ANTXR2: variants seen among roughly 807,000 people sequenced by gnomAD.
ANTXR2 encodes anthrax toxin receptor 2.
ANTXR2 carries 44 observed loss-of-function variants against 73.7 expected under a neutral mutation model. That is an observed-to-expected ratio of 0.60 (90% confidence interval 0.47 to 0.77). ANTXR2 has a LOEUF of 0.77. ANTXR2 is among the 30% of genes least tolerant of loss of function. The pLI is 0.00. For synonymous variants in ANTXR2, 217 were observed against 205.9 expected (o/e 1.05, Z -0.46); for missense variants, 604 against 592.5 (o/e 1.02, Z -0.20).
At chr4:79,907,582 T>A in intron 16 of ANTXR2, 115 bp from the exon 17 acceptor site, 1 of 1,163,710 alleles carries the variant, frequency 8.6e-7, no homozygotes, top group Non-Finnish European at 1.3e-6. Flanking sequence ...AGTACCATGT[T>A]AACTTGAGAC....
At chr4:80,047,406 A>C (rs371828920) in intron 7 of ANTXR2, among the ~76,000 whole-genome samples, 15 of 151,836 alleles carry the variant, frequency 9.9e-5, no homozygotes, top group Middle Eastern at 3.4e-3. Context: ...AATGTATTTG[A>C]ATATAGTGAG....
intron 16 of ANTXR2, among the ~76,000 whole-genome samples, chr4:79,961,655 G>T (rs1369140566): frequency 6.6e-6 from 1 of 152,004 alleles, no homozygotes; most frequent in Non-Finnish European, 1.5e-5. Context: ...GCCCAGGCTG[G>T]TCTCAAACTC....
chr4:79,947,223 C>T (rs1728547949), intron 16 of ANTXR2, among the ~76,000 whole-genome samples: 1 of 152,046 alleles, frequency 6.6e-6, no homozygotes, highest in African/African-American at 2.4e-5. Flanking sequence ...TTCATGTAAA[C>T]AGGAAATAAA....
intron 16 of ANTXR2, among the ~76,000 whole-genome samples, chr4:79,909,024 A>C (rs935784512): frequency 2.0e-5 from 3 of 152,216 alleles, no homozygotes; most frequent in Admixed American, 6.5e-5. Flanking sequence ...AGGCAAAAAA[A>C]GTAGTGCTTC....
rs1010662099 is a variant in ANTXR2 at position 79,905,039 on chromosome 4, T to G, written c.*2390A>C. The G allele has an allele frequency of 6.6e-6, 1 of 152,182 alleles. No homozygotes were observed. Among genetic ancestry groups the G allele is most frequent in the Non-Finnish European group, 1.5e-5 (1 of 68,024 alleles). 9.4% of individuals were successfully genotyped at this position (152,182 alleles called of 1,614,324 possible). On this transcript the variant is annotated 3_prime_UTR_variant, in exon 17 of 17. Coordinates refer to ENST00000403729, the MANE Select transcript of ANTXR2 (RefSeq NM_058172.6). ...CAGTCTTTGAACTTTATTAATGATA[T>G]TTTTTCAGTCTACATATAGACCACT...
chr4:79,997,639 T>C (rs1730792607), intron 12 of ANTXR2, among the ~76,000 whole-genome samples: 1 of 152,024 alleles, frequency 6.6e-6, no homozygotes, highest in Non-Finnish European at 1.5e-5. Context: ...ATCCTCTGCT[T>C]TTTATTTCTT....
At chr4:80,032,111 CTACAA>C (rs1226048927) in intron 9 of ANTXR2, among the ~76,000 whole-genome samples, 1 of 151,594 alleles carries the variant, frequency 6.6e-6, no homozygotes, top group Non-Finnish European at 1.5e-5. Flanking sequence ...AAACATTTGT[CTACAA>C]TAAATAAATG....
At position 79,910,248 on chromosome 4, in the gene ANTXR2, C is replaced by T. The variant is rs553768786; in HGVS notation, c.1429-2781G>A. ...ATTGTTGGCCGGGTGTGGTGGCTCA[C>T]GCCTGTAATCCCAGCACTTTGGGAG... On this transcript the variant is annotated intron_variant, in intron 16 of 16. Coordinates refer to ENST00000403729, the MANE Select transcript of ANTXR2 (RefSeq NM_058172.6). Among the ~76,000 whole-genome samples, 556 of 152,208 alleles carry T rather than the reference C, an allele frequency of 3.7e-3. 2 individuals are homozygous for T. The highest frequency in any genetic ancestry group is 0.013 in the African/African-American group (530 of 41,550).
At position 79,902,197 on chromosome 4, in the gene ANTXR2, T is replaced by A. The variant is rs1346792095; in HGVS notation, c.*5232A>T. 1.3e-5 allele frequency: 2 copies of A among 152,200 alleles called. No individual in the cohort carries two copies. Among genetic ancestry groups the A allele is most frequent in the African/African-American group, 4.8e-5 (2 of 41,450 alleles). The allele number at this position is 152,200 out of a possible 1,614,324, so 9.4% of individuals were successfully genotyped here. A position where few individuals can be genotyped will look rare whatever the true frequency, so the allele number is the denominator to read the frequency against. ...TAAGATACAAATAACTTCATGGCAA[T>A]TAGGAAACCCTATTTAGGTTCCACT... On this transcript the variant is annotated 3_prime_UTR_variant, in exon 17 of 17. Transcript: ENST00000403729.
rs571898381 is a variant in ANTXR2, at chr4:79,911,673, A to T, written c.1429-4206T>A. On this transcript the variant is annotated intron_variant, in intron 16 of 16. Coordinates refer to ENST00000403729, the MANE Select transcript of ANTXR2 (RefSeq NM_058172.6). Reference sequence around the variant, plus strand: ...TGCCTGTATTTCACAAAGTAATTCGATAAACTGGAACTCAGGTGGCATAAG... The same window carrying T: ...TGCCTGTATTTCACAAAGTAATTCGTTAAACTGGAACTCAGGTGGCATAAG... Among the ~76,000 whole-genome samples the T allele has an allele frequency of 2.0e-5, 3 of 152,084 alleles. No homozygotes were observed. The East Asian group carries it at 5.8e-4, about 29-fold the overall frequency.
chr4:79,978,142 T>C lies in ANTXR2; in HGVS notation c.1212A>G (p.Glu404=), dbSNP rs776033580. 2.5e-6 allele frequency: 4 copies of C among 1,613,920 alleles called. No individual in the cohort carries two copies. The South Asian group carries it at 3.3e-5, about 13-fold the overall frequency. The change falls in exon 15 of 17, where the codon GAA becomes GAG. Residue 404 remains glutamate (E), a synonymous_variant. Coordinates refer to ENST00000403729, the MANE Select transcript of ANTXR2 (RefSeq NM_058172.6). ...TTTTGGCTTTCTCTAGCCTTGCACCTTCCTCAGTAGATCCTTTATCACCCC... is the reference window on the plus strand; with the variant it reads ...TTTTGGCTTTCTCTAGCCTTGCACCCTCCTCAGTAGATCCTTTATCACCCC... ...VRWGDKGSTE[E]GARLEKAKNA... is the part of the protein sequence containing the mutation.
chr4:79,949,487 A>G (rs911191049), intron 16 of ANTXR2, among the ~76,000 whole-genome samples: 2 of 152,210 alleles, frequency 1.3e-5, no homozygotes, highest in Non-Finnish European at 2.9e-5. Context: ...CTAATATGGC[A>G]GGTTAAAAAA....
intron 11 of ANTXR2, among the ~76,000 whole-genome samples, chr4:80,015,734 G>C (rs1453620537): frequency 6.8e-6 from 1 of 147,374 alleles, no homozygotes; most frequent in Non-Finnish European, 1.5e-5. Flanking sequence ...CAGGAGGAGG[G>C]AGAGGAATAT....
chr4:80,040,506 A>G (rs1354214484), intron 7 of ANTXR2, among the ~76,000 whole-genome samples: 2 of 152,048 alleles, frequency 1.3e-5, no homozygotes, highest in South Asian at 2.1e-4. Context: ...AAGAGAGAAA[A>G]TTGTAAGGAC....
At chr4:79,947,383 G>A (rs1728554060) in intron 16 of ANTXR2, among the ~76,000 whole-genome samples, 2 of 152,162 alleles carry the variant, frequency 1.3e-5, no homozygotes, top group Admixed American at 1.3e-4. Flanking sequence ...TCACAACAAG[G>A]ATTGGTTTGG....
intron 12 of ANTXR2, among the ~76,000 whole-genome samples, chr4:79,995,829 C>T (rs1276341674): frequency 6.6e-6 from 1 of 151,846 alleles, no homozygotes; most frequent in Non-Finnish European, 1.5e-5. Context: ...GAAAACGAAG[C>T]CCTCAAAGCT....
At chr4:79,974,022 T>C (rs1255183100) in intron 16 of ANTXR2, among the ~76,000 whole-genome samples, 1 of 152,220 alleles carries the variant, frequency 6.6e-6, no homozygotes, top group Non-Finnish European at 1.5e-5. Context: ...TAGATATACA[T>C]TATACCTTAA....
chr4:80,015,336 G>C (rs1286639330), intron 11 of ANTXR2, among the ~76,000 whole-genome samples: 1 of 152,124 alleles, frequency 6.6e-6, no homozygotes, highest in Non-Finnish European at 1.5e-5. Flanking sequence ...ATAACCACCA[G>C]TAAGTCACTT....
intron 12 of ANTXR2, among the ~76,000 whole-genome samples, chr4:80,003,815 A>G (rs1731171810): frequency 6.6e-6 from 1 of 152,134 alleles, no homozygotes; most frequent in Admixed American, 6.6e-5. Context: ...GTTAGTGGGC[A>G]TGTGAGATGG....
Sources: allele counts gnomAD v4.1 joint callset (sites outside exome capture counted in the v4.1 genomes callset), GRCh38; gene constraint gnomAD v4.1.1; transcripts MANE v1.5; gene names NCBI Gene and HGNC (gene_info 2026-07-23, HGNC 2026-07-21).